Variants in REEP5 observed in about 807,000 individuals in gnomAD.
REEP5 encodes receptor expression-enhancing protein 5.
In REEP5, 24 loss-of-function variants were observed where a neutral mutation model predicts 22.4. The observed-to-expected ratio is 1.07, with a 90% CI of 0.78 to 1.51. The LOEUF (loss-of-function observed/expected upper bound fraction) is 1.51, where lower values mean the gene tolerates loss of function less well. Among genes scored for constraint, REEP5 ranks in the 40% most tolerant of loss-of-function variants. The pLI, the probability that REEP5 is intolerant of heterozygous loss-of-function variation, is 0.00. For synonymous variants in REEP5, 103 were observed against 88.6 expected (o/e 1.16, Z -0.92); for missense variants, 252 against 233.0 (o/e 1.08, Z -0.53).
chr5:112,886,264 CTT>C (rs1768240426), intron 4 of REEP5, among the ~76,000 whole-genome samples: 2 of 152,202 alleles, frequency 1.3e-5, no homozygotes, highest in Non-Finnish European at 2.9e-5. Flanking sequence ...CAAGTATTGT[CTT>C]TTGGCATCCA....
At chr5:112,878,861 AAAATATATC>A in intron 4 of REEP5, 26 bp from the exon 5 acceptor site, 1 of 1,613,886 alleles carries the variant, frequency 6.2e-7, no homozygotes, top group Non-Finnish European at 8.5e-7. Flanking sequence ...GAGGGAAAGA[AAAATATATC>A]AAAGCTCTTT....
intron 2 of REEP5, among the ~76,000 whole-genome samples, chr5:112,911,506 A>G (rs1023550334): frequency 1.3e-5 from 2 of 152,234 alleles, no homozygotes; most frequent in Admixed American, 1.3e-4. Context: ...ACAACCTTCC[A>G]TACTATTTTT....
rs542141038 is a variant in REEP5, at chr5:112,907,287, G to C, written c.213-4769C>G. On this transcript the variant is annotated intron_variant, in intron 2 of 4. Transcript: ENST00000379638. ...CGCCTCATCCTCTGGCAGTCACACT[G>C]ATCCTGGGCTCAGAACTAACACACC... Among the ~76,000 whole-genome samples, 4 of 152,230 alleles carry C rather than the reference G, an allele frequency of 2.6e-5. No individual in the cohort carries two copies. The East Asian group carries it at 7.7e-4, about 29-fold the overall frequency.
At chr5:112,893,564 G>A (rs1255442818) in intron 3 of REEP5, 1 of 153,420 alleles carries the variant, frequency 6.5e-6, no homozygotes. Context: ...AGACTCCAAA[G>A]CTTGTTTACT....
At chr5:112,921,962 T>C in intron 1 of REEP5, 111 bp downstream of exon 1, 1 of 1,332,448 alleles carries the variant, frequency 7.5e-7, no homozygotes, top group Non-Finnish European at 1.0e-6. Flanking sequence ...GCTTGTCCCG[T>C]CTGTCTCCGA....
chr5:112,886,954 T>C (rs1050118823), intron 4 of REEP5, 61 bp downstream of exon 4: 4 of 1,288,660 alleles, frequency 3.1e-6, no homozygotes, highest in Admixed American at 2.0e-5. Context: ...AAGCCTGTTA[T>C]TTGAGCCCAG....
intron 2 of REEP5, among the ~76,000 whole-genome samples, chr5:112,909,634 G>A (rs1204026882): frequency 6.6e-6 from 1 of 152,132 alleles, no homozygotes; most frequent in Non-Finnish European, 1.5e-5. Flanking sequence ...TGGTAGAATG[G>A]CAGAAATTCT....
At chr5:112,914,172 G>A (rs930394919) in intron 2 of REEP5, among the ~76,000 whole-genome samples, 3 of 151,590 alleles carry the variant, frequency 2.0e-5, no homozygotes, top group South Asian at 2.1e-4. Context: ...AACCAGGCTG[G>A]AGTGCAGTGG....
chr5:112,891,645 T>C (rs1479891687), intron 3 of REEP5: 1 of 1,606,138 alleles, frequency 6.2e-7, no homozygotes, highest in African/African-American at 1.3e-5. Flanking sequence ...GCAAGATGGC[T>C]GCACTTGAGA....
At chr5:112,903,962 G>A (rs1768900400) in intron 2 of REEP5, among the ~76,000 whole-genome samples, 1 of 152,230 alleles carries the variant, frequency 6.6e-6, no homozygotes, top group South Asian at 2.1e-4. Flanking sequence ...CTCCCAAGTA[G>A]CTGGTACTAC....
chr5:112,894,124 G>GTTTTTTTTT (rs199564515), intron 3 of REEP5: 14 of 141,806 alleles, frequency 9.9e-5, no homozygotes, highest in Non-Finnish European at 1.7e-4. Context: ...GGTTTTTTTT[G>GTTTTTTTTT]TTTTTTTTTT....
At chr5:112,902,839 A>C (rs1467530952) in intron 2 of REEP5, among the ~76,000 whole-genome samples, 1 of 151,786 alleles carries the variant, frequency 6.6e-6, no homozygotes, top group East Asian at 1.9e-4. Context: ...AGCAATTTCC[A>C]CTCCCAAGCT....
intron 3 of REEP5, chr5:112,892,964 G>A (rs774337971): frequency 6.3e-7 from 1 of 1,594,798 alleles, no homozygotes; most frequent in South Asian, 1.1e-5. Flanking sequence ...GGCCGCCGGA[G>A]CCAGAGCCGC....
intron 4 of REEP5, 64 bp from the exon 5 acceptor site, chr5:112,878,899 C>G: frequency 6.2e-7 from 1 of 1,611,972 alleles, no homozygotes; most frequent in Non-Finnish European, 8.5e-7. Flanking sequence ...TGCAAGCTTG[C>G]AAGCTTTGTG....
intron 3 of REEP5, chr5:112,897,457 A>G (rs1286088946): frequency 6.6e-6 from 1 of 152,184 alleles, no homozygotes; most frequent in Non-Finnish European, 1.5e-5. Context: ...CCAGATGTAG[A>G]ACAGAATCTG....
chr5:112,902,503 C>T lies in REEP5; in HGVS notation c.228G>A (p.Glu76=). 1 of 1,598,682 alleles carries T rather than the reference C, an allele frequency of 6.3e-7. No individual in the cohort carries two copies. ...GGGTATCATCTTCTTTGTTGGGACTCTCTATAGCTTTAATTCTGAAAGGCA... is the reference window on the plus strand; with the variant it reads ...GGGTATCATCTTCTTTGTTGGGACTTTCTATAGCTTTAATTCTGAAAGGCA... ...YPAYISIKAI[E]SPNKEDDTQW... Residue 76 remains glutamate (E), a synonymous_variant, in exon 3 of 5, where the codon GAG becomes GAA. Coordinates refer to ENST00000379638, the MANE Select transcript of REEP5 (RefSeq NM_005669.5).
At chr5:112,909,367 A>C (rs183038966) in intron 2 of REEP5, among the ~76,000 whole-genome samples, 90 of 151,856 alleles carry the variant, frequency 5.9e-4, no homozygotes, top group African/African-American at 2.1e-3. Flanking sequence ...TTATTATTAT[A>C]GGGAGATAAA....
intron 3 of REEP5, chr5:112,895,273 G>A (rs1000051314): frequency 6.7e-6 from 1 of 148,548 alleles, no homozygotes; most frequent in Non-Finnish European, 1.5e-5. Context: ...GAGAGGTGGG[G>A]TGTGTTTTAT....
intron 4 of REEP5, among the ~76,000 whole-genome samples, chr5:112,882,703 A>G (rs1396642453): frequency 6.6e-6 from 1 of 152,244 alleles, no homozygotes; most frequent in Non-Finnish European, 1.5e-5. Flanking sequence ...ACAATGGCAG[A>G]GAAGAGTAGC....
Sources: allele counts gnomAD v4.1 joint callset (sites outside exome capture counted in the v4.1 genomes callset), GRCh38; gene constraint gnomAD v4.1.1; transcripts MANE v1.5; gene names NCBI Gene and HGNC (gene_info 2026-07-23, HGNC 2026-07-21).